Variants in PLEC observed in about 807,000 individuals in gnomAD.
The protein encoded by PLEC is plectin.
In PLEC, 216 loss-of-function variants were observed where a neutral mutation model predicts 392.8. The observed-to-expected ratio is 0.55, with a 90% confidence interval of 0.49 to 0.62. PLEC has a LOEUF of 0.62. PLEC is among the 20% of genes least tolerant of loss of function. The pLI is 0.00. For missense variants in PLEC, 6,863 were observed against 6,563.4 expected, an observed-to-expected ratio of 1.05 and a Z score of -1.58; for synonymous variants, 3,621 against 2,980.6, an observed-to-expected ratio of 1.21 and a Z score of -7.00.
intron 30 of PLEC, 91 bp downstream of exon 30, chr8:143,926,693 G>A: frequency 9.5e-7 from 1 of 1,057,538 alleles, no homozygotes; most frequent in East Asian, 2.4e-5. Context: ...GGCCACGAGA[G>A]GTGGCCTCAG....
At chr8:143,954,347 G>A (rs1342488948), upstream of PLEC, among the ~76,000 whole-genome samples, 2 of 151,718 alleles carry the variant, frequency 1.3e-5, no homozygotes, top group South Asian at 2.1e-4. This position sits in a 1 kb window ranked among gnomAD's most constrained non-coding sequence, Gnocchi z 4.6. Context: ...CGGGCGTCTC[G>A]CCTCTGCGCA....
chr8:143,926,063 C>T (rs986644241), intron 30 of PLEC, among the ~76,000 whole-genome samples, 179 bp from the exon 31 acceptor site: 8 of 152,378 alleles, frequency 5.3e-5, no homozygotes, highest in African/African-American at 1.2e-4. Context: ...GGGCAGCGAT[C>T]GCAGCCGGCC....
In PLEC at chr8:143,927,700, C is replaced by T. The variant is rs1478731210; in HGVS notation, c.3466G>A (p.Ala1156Thr). The change falls in exon 27 of 32, where the codon GCA (alanine) becomes ACA (threonine). Residue 1156 changes from alanine (A) to threonine (T), a missense_variant. Ala to Thr is a moderately conservative substitution (Grantham distance 58, BLOSUM62 0). Transcript: ENST00000345136. ...TGCAGTCGCTCCCCCACCTCCTGTG[C>T]CCCCCGCAGCTCATCCCGCAGGGCG... Reference protein sequence around the residue: ...FDALRDELRGAQEVGERLQQR... With the variant: ...FDALRDELRGTQEVGERLQQR... 3.8e-6 allele frequency: 6 copies of T among 1,582,504 alleles called. No individual in the cohort carries two copies. Among genetic ancestry groups the T allele is most frequent in the Non-Finnish European group, 5.2e-6 (6 of 1,163,414 alleles).
upstream of PLEC, among the ~76,000 whole-genome samples, chr8:143,957,875 C>A (rs1192727558): frequency 1.4e-5 from 2 of 141,360 alleles, no homozygotes; most frequent in Non-Finnish European, 3.0e-5. Flanking sequence ...GTGGAGCAGG[C>A]CAGTGGGCTG....
chr8:143,941,635 T>C (rs1830470751), upstream of PLEC, among the ~76,000 whole-genome samples: 1 of 151,838 alleles, frequency 6.6e-6, no homozygotes, highest in Admixed American at 6.6e-5. Context: ...CTCTTTGCTC[T>C]GAGCTCTTCC....
rs1367320383 is a variant in PLEC at position 143,932,564 on chromosome 8, G to A, written c.1816-3C>T. 5.0e-6 allele frequency: 8 copies of A among 1,612,358 alleles called. No individual in the cohort carries two copies. Among genetic ancestry groups the A allele is most frequent in the Non-Finnish European group, 6.8e-6 (8 of 1,179,922 alleles). ...CTGAGGCGGGCCTTGGAGGAGTTCT[G>A]TGGGCAGGAGGGTGCGTGTCAGCAG... On this transcript the variant is annotated splice_polypyrimidine_tract_variant and splice_region_variant and intron_variant, in intron 15 of 31. Coordinates refer to ENST00000345136, the MANE Select transcript of PLEC (RefSeq NM_201384.3).
At chr8:143,960,283 AAATAAT>A (rs530119507) in intron 1 of PLEC, among the ~76,000 whole-genome samples, 4 of 150,896 alleles carry the variant, frequency 2.7e-5, no homozygotes, top group South Asian at 4.2e-4. Context: ...ACTCCGTCTC[AAATAAT>A]AATAATAATA....
intron 5 of PLEC, 55 bp from the exon 6 acceptor site, chr8:143,936,069 G>C: frequency 6.3e-7 from 1 of 1,592,338 alleles, no homozygotes; most frequent in Non-Finnish European, 8.6e-7. Context: ...GGCCTGCTCT[G>C]TGCCCACAGC....
Position 143,923,420 on chromosome 8 carries a change from T to C in PLEC, c.6509A>G (p.His2170Arg), listed in dbSNP as rs781891077. Residue 2170 changes from histidine (H) to arginine (R), a missense_variant, in exon 31 of 32, where the codon CAT (histidine) becomes CGT (arginine). Coordinates refer to ENST00000345136, the MANE Select transcript of PLEC (RefSeq NM_201384.3). The stretch of plus-strand genomic sequence containing the variant: ...CAGCGTCTGCTCGGCGAATTTCTTA[T>C]GCTTCTCCATCTCCGCGTCAGCTGC... ...KQAADAEMEK[H>R]KKFAEQTLRQ... The C allele has an allele frequency of 3.1e-6, 5 of 1,610,518 alleles. No homozygotes were observed. Among genetic ancestry groups the C allele is most frequent in the Admixed American group, 1.7e-5 (1 of 59,964 alleles).
Position 143,920,239 on chromosome 8 carries a change from C to G in PLEC, c.9582G>C (p.Glu3194Asp), listed in dbSNP as rs1016371724. Residue 3194 changes from glutamate to aspartate, a missense_variant, in exon 32 of 32, where the codon GAG becomes GAC. Coordinates refer to ENST00000345136, the MANE Select transcript of PLEC (RefSeq NM_201384.3). The part of the protein sequence containing the change: ...PSTGEPATYG[E>D]LQQRCRPDQL... ...GGTCGGGCCGGCACCGCTGCTGGAG[C>G]TCGCCGTAGGTGGCCGGCTCCCCTG... is the stretch of plus-strand genomic sequence containing the variant. 6.2e-7 allele frequency: 1 copy of G among 1,602,510 alleles called. No homozygotes were observed. The highest frequency in any genetic ancestry group is 8.5e-7 in the Non-Finnish European group (1 of 1,178,716).
At chr8:143,960,481 G>A (rs889435173) in intron 1 of PLEC, among the ~76,000 whole-genome samples, 19 of 151,872 alleles carry the variant, frequency 1.3e-4, no homozygotes, top group African/African-American at 4.6e-4. Flanking sequence ...GCCGGGTGTG[G>A]TGGCGGGTGC....
intron 1 of PLEC, chr8:143,944,607 G>T: frequency 8.1e-7 from 1 of 1,241,862 alleles, no homozygotes; most frequent in Non-Finnish European, 1.1e-6. Flanking sequence ...CCCCAGCAAG[G>T]GGCCAGGATT....
At position 143,920,125 on chromosome 8, in the gene PLEC, C is replaced by T. The variant is rs781897760; in HGVS notation, c.9696G>A (p.Glu3232=). 4.3e-6 allele frequency: 7 copies of T among 1,612,856 alleles called. No individual in the cohort carries two copies. Among genetic ancestry groups the T allele is most frequent in the African/African-American group, 4.0e-5 (3 of 74,940 alleles). ...CCTCAACCGGGGTCTTTTCAAAGGT[C>T]TCACGGGCCTGCAGCTCTGAGTAGA... ...EELYSELQAR[E]TFEKTPVEVP... The change falls in exon 32 of 32, where the codon GAG becomes GAA. Residue 3232 remains glutamate (E), a synonymous_variant. Transcript: ENST00000345136.
rs868935052 is a variant in PLEC, at chr8:143,969,349, G to A, written c.70+4054C>T. On this transcript the variant is annotated intron_variant, in intron 1 of 31. Transcript: ENST00000356346. The surrounding 1 kb of genome is among the most constrained non-coding windows in gnomAD (Gnocchi z 5.1). ...CCCCCATCCAGGGCAGATTCCTCTG[G>A]GGCTGAGGCTACTGCAGCCTGTGGC... Among the ~76,000 whole-genome samples the A allele has an allele frequency of 2.0e-5, 3 of 152,186 alleles. No individual in the cohort carries two copies. The highest frequency in any genetic ancestry group is 2.9e-5 in the Non-Finnish European group (2 of 68,038).
chr8:143,929,885 G>T (rs781974114), intron 22 of PLEC, 51 bp downstream of exon 22: 1 of 1,602,542 alleles, frequency 6.2e-7, no homozygotes, highest in Non-Finnish European at 8.5e-7. Context: ...CCTGCACAAC[G>T]CCTCTCCCCT....
At chr8:143,928,407 A>ATCACTG (rs1436891836) in intron 25 of PLEC, among the ~76,000 whole-genome samples, 1 of 152,244 alleles carries the variant, frequency 6.6e-6, no homozygotes, top group African/African-American at 2.4e-5. Flanking sequence ...CGGCGGCCCT[A>ATCACTG]TCACTGTGCT....
upstream of PLEC, chr8:143,975,175 A>G (rs1554745603): frequency 6.3e-7 from 1 of 1,598,734 alleles, no homozygotes. This position sits in a 1 kb window ranked among gnomAD's most constrained non-coding sequence, Gnocchi z 9.9. Flanking sequence ...CTGCGCAGTT[A>G]CCTGCGATGC....
intron 6 of PLEC, 86 bp downstream of exon 6, chr8:143,935,762 C>T: frequency 2.7e-6 from 4 of 1,462,172 alleles, no homozygotes; most frequent in South Asian, 1.2e-5. Flanking sequence ...TGCCCTCCTC[C>T]CTGCCCCAAC....
In PLEC at chr8:143,960,981, G is replaced by A. The variant is rs1310837737; in HGVS notation, c.70+12422C>T. Reference sequence around the variant, plus strand: ...GCTCTGCACGGGGACCGTGACCCACGTCTGGCCATGCAGAGCGGCACGTGT... The same window carrying A: ...GCTCTGCACGGGGACCGTGACCCACATCTGGCCATGCAGAGCGGCACGTGT... On this transcript the variant is annotated intron_variant, in intron 1 of 31. Coordinates refer to the PLEC transcript ENST00000356346. Among the ~76,000 whole-genome samples the A allele has an allele frequency of 4.6e-5, 7 of 152,180 alleles. No homozygotes were observed. The East Asian group carries it at 7.7e-4, about 17-fold the overall frequency.
Sources: gnomAD v4.1 joint callset for allele counts (sites outside exome capture counted in the v4.1 genomes callset) on GRCh38, gnomAD v4.1.1 for gene constraint, Gnocchi (gnomAD v3.1) non-coding constraint, MANE v1.5 for transcripts, NCBI Gene and HGNC (gene_info 2026-07-23, HGNC 2026-07-21) for gene names.